NMS: variants seen among roughly 807,000 people sequenced by gnomAD.
NMS encodes neuromedin-S.
Under a neutral mutation model 32.2 loss-of-function variants are expected in NMS, and 30 were observed. That is an observed-to-expected ratio of 0.93 (90% confidence interval 0.70 to 1.26). The LOEUF (loss-of-function observed/expected upper bound fraction) is 1.26, where lower values mean the gene tolerates loss of function less well. Among genes scored for constraint, NMS ranks in the 50% most tolerant of loss-of-function variants. The pLI, the probability that NMS is intolerant of heterozygous loss-of-function variation, is 0.00. For missense variants in NMS, 190 were observed against 186.3 expected (o/e 1.02, Z -0.12); for synonymous variants, 76 against 58.5 (o/e 1.30, Z -1.37).
At chr2:100,477,547 G>A in intron 5 of NMS, 133 bp downstream of exon 5, 1 of 643,686 alleles carries the variant, frequency 1.6e-6, no homozygotes, top group Non-Finnish European at 2.7e-6. Context: ...GCTTCCCAGG[G>A]GCTTTTCCCT....
At chr2:100,479,576 G>A (rs1217580331) in intron 6 of NMS, 149 bp downstream of exon 6, 1 of 688,798 alleles carries the variant, frequency 1.5e-6, no homozygotes, top group African/African-American at 1.8e-5. Context: ...AGAACTGCTG[G>A]TCCTTTGACC....
intron 8 of NMS, 62 bp downstream of exon 8, chr2:100,481,229 G>A: frequency 1.3e-6 from 2 of 1,497,560 alleles, no homozygotes; most frequent in Middle Eastern, 1.7e-4. Context: ...TCCCAATCAT[G>A]GAGTGACTGC....
At chr2:100,477,977 A>G (rs1677143614) in intron 5 of NMS, among the ~76,000 whole-genome samples, 1 of 152,142 alleles carries the variant, frequency 6.6e-6, no homozygotes, top group Admixed American at 6.5e-5. Context: ...ATATATATAT[A>G]TTTGAGAAGA....
chr2:100,479,435 C>A lies in NMS; in HGVS notation c.336+8C>A. 1 of 1,606,912 alleles carries A rather than the reference C, an allele frequency of 6.2e-7. No homozygotes were observed. The highest frequency in any genetic ancestry group is 8.5e-7 in the Non-Finnish European group (1 of 1,176,128). On this transcript the variant is annotated splice_region_variant and intron_variant, in intron 6 of 9. Coordinates refer to ENST00000376865, the MANE Select transcript of NMS (RefSeq NM_001011717.1). ...AAGAGAATTCTGCAGCGAGTACGTG[C>A]TTTTATTCTTCCACCATAGTTTATG... is the stretch of plus-strand genomic sequence containing the variant.
At chr2:100,481,010 GT>G in intron 7 of NMS, 115 bp from the exon 8 acceptor site, 2 of 973,700 alleles carry the variant, frequency 2.1e-6, no homozygotes, top group Non-Finnish European at 3.3e-6. Flanking sequence ...GTTCCCAGAG[GT>G]TGTTGGTGCC....
intron 2 of NMS, among the ~76,000 whole-genome samples, chr2:100,473,141 G>T (rs1047219293): frequency 3.3e-5 from 5 of 152,118 alleles, no homozygotes; most frequent in Admixed American, 2.6e-4. Context: ...TTGATTCGTT[G>T]TCTAAATTTT....
At chr2:100,477,323 G>A (rs774267704) in intron 4 of NMS, 38 bp from the exon 5 acceptor site, 9 of 1,610,832 alleles carry the variant, frequency 5.6e-6, no homozygotes, top group South Asian at 5.5e-5. Flanking sequence ...TAGAGCAAGT[G>A]ACACTCGATA....
At chr2:100,481,463 G>A (rs1323159584) in intron 8 of NMS, among the ~76,000 whole-genome samples, 7 of 152,148 alleles carry the variant, frequency 4.6e-5, no homozygotes, top group Non-Finnish European at 1.0e-4. Context: ...GAGCATTAAG[G>A]TCTAGGATTC....
chr2:100,472,672 T>TTTTGAATGG, intron 1 of NMS, 123 bp from the exon 2 acceptor site: 1 of 620,206 alleles, frequency 1.6e-6, no homozygotes, highest in Non-Finnish European at 2.8e-6. Context: ...CACTGACCTC[T>TTTTGAATGG]TTTGAATGGT....
Position 100,473,570 on chromosome 2 carries a change from T to A in NMS, c.183+31T>A, listed in dbSNP as rs749876929. Reference sequence around the variant, plus strand: ...AAAATGTGTATATATATAATATATATAAAATATATATATATGCAACAAACA... The same window carrying A: ...AAAATGTGTATATATATAATATATAAAAAATATATATATATGCAACAAACA... On this transcript the variant is annotated intron_variant, in intron 3 of 9. Coordinates refer to ENST00000376865, the MANE Select transcript of NMS (RefSeq NM_001011717.1). 8 of 813,756 alleles carry A rather than the reference T, an allele frequency of 9.8e-6. No individual in the cohort carries two copies. The African/African-American group carries it at 1.3e-4, about 13-fold the overall frequency. The allele number at this position is 813,756 out of a possible 1,614,324, so 50.4% of individuals were successfully genotyped here. A position where few individuals can be genotyped will look rare whatever the true frequency, so the allele number is the denominator to read the frequency against.
At chr2:100,481,962 T>C (rs1005560575) in intron 8 of NMS, among the ~76,000 whole-genome samples, 2 of 152,134 alleles carry the variant, frequency 1.3e-5, no homozygotes, top group African/African-American at 4.8e-5. Context: ...CTCCTTGACG[T>C]CTCCAGACTG....
intron 3 of NMS, among the ~76,000 whole-genome samples, chr2:100,475,061 G>A (rs1459521993): frequency 6.6e-6 from 1 of 152,186 alleles, no homozygotes; most frequent in Non-Finnish European, 1.5e-5. Flanking sequence ...ATTGGGTTAT[G>A]AGGATCCCCA....
At chr2:100,476,783 C>T (rs555596491) in intron 3 of NMS, among the ~76,000 whole-genome samples, 26 of 152,246 alleles carry the variant, frequency 1.7e-4, no homozygotes, top group South Asian at 6.2e-4. Context: ...GATTTAGAAA[C>T]GGAAAATTGG....
intron 1 of NMS, among the ~76,000 whole-genome samples, chr2:100,470,821 T>A (rs1485144908): frequency 6.6e-6 from 1 of 152,216 alleles, no homozygotes; most frequent in Non-Finnish European, 1.5e-5. Flanking sequence ...CCTGAACATG[T>A]GTCGCTAAAA....
chr2:100,472,688 G>T, intron 1 of NMS, 107 bp from the exon 2 acceptor site: 2 of 685,094 alleles, frequency 2.9e-6, no homozygotes, highest in Non-Finnish European at 5.0e-6. Flanking sequence ...ATGGTTCTTT[G>T]GTGGTTTATT....
chr2:100,470,677 G>C, intron 1 of NMS, 113 bp downstream of exon 1: 1 of 830,850 alleles, frequency 1.2e-6, no homozygotes, highest in Non-Finnish European at 2.1e-6. Flanking sequence ...TCCCCCGCCA[G>C]ACCTTCTTGA....
chr2:100,476,964 A>C (rs1677122191), intron 3 of NMS, among the ~76,000 whole-genome samples: 1 of 152,194 alleles, frequency 6.6e-6, no homozygotes, highest in Non-Finnish European at 1.5e-5. Flanking sequence ...TCTATGCATC[A>C]GAGAGTAGGT....
chr2:100,483,107 T>C (rs955707073), intron 9 of NMS, 145 bp from the exon 10 acceptor site: 2 of 689,892 alleles, frequency 2.9e-6, no homozygotes, highest in African/African-American at 3.6e-5. Context: ...AAGTACTGAT[T>C]GTGGGGAAAG....
chr2:100,481,722 A>G lies in NMS; in HGVS notation c.414+555A>G, dbSNP rs1157505312. Among the ~76,000 whole-genome samples the G allele has an allele frequency of 3.3e-5, 5 of 152,256 alleles. No homozygotes were observed. In the East Asian group the frequency reaches 7.7e-4, roughly 23 times the overall value. ...CACTGGCGCTAAAAAGTATTCTGCA[A>G]AAGTCAGCTAAGATTGGAAAACACT... On this transcript the variant is annotated intron_variant, in intron 8 of 9. Coordinates refer to ENST00000376865, the MANE Select transcript of NMS (RefSeq NM_001011717.1).
Sources: gnomAD v4.1 joint callset for allele counts (sites outside exome capture counted in the v4.1 genomes callset) on GRCh38, gnomAD v4.1.1 for gene constraint, MANE v1.5 for transcripts, NCBI Gene and HGNC (gene_info 2026-07-23, HGNC 2026-07-21) for gene names.